The following BRWD3 variants were observed in gnomAD, a reference collection of about 807,000 sequenced individuals.
BRWD3 encodes bromodomain and WD repeat domain containing 3, also known as bromodomain and WD repeat-containing protein 3.
BRWD3 carries 10 observed loss-of-function variants against 149.7 expected under a neutral mutation model. The ratio of observed to expected loss-of-function variants is 0.07; its 90% CI spans 0.04 to 0.11. The LOEUF is 0.11. Among genes scored for constraint, BRWD3 ranks in the 10% least tolerant of loss-of-function variants. BRWD3 has a pLI of 1.00. For missense variants in BRWD3, 940 were observed against 1,373.2 expected, an observed-to-expected ratio of 0.68 and a Z score of 4.99; for synonymous variants, 504 against 456.7, an observed-to-expected ratio of 1.10 and a Z score of -1.32.
At chrX:80,776,381 T>C (rs920302006) in intron 6 of BRWD3, among the ~76,000 whole-genome samples, 3 of 112,005 alleles carry the variant, frequency 2.7e-5, no homozygotes, top group African/African-American at 9.7e-5. Context: ...GTCAGAAAAA[T>C]GTTTCTAGGC....
At chrX:80,704,230 C>A (rs142141091) in intron 23 of BRWD3, among the ~76,000 whole-genome samples, 2 of 84,028 alleles carry the variant, frequency 2.4e-5, no homozygotes, top group African/African-American at 7.6e-5. Flanking sequence ...AACATAAGAC[C>A]CCATCTCTTT....
chrX:80,690,559 G>A (rs920419210), intron 31 of BRWD3, among the ~76,000 whole-genome samples: 7 of 111,484 alleles, frequency 6.3e-5, no homozygotes, highest in Admixed American at 2.9e-4. Context: ...GAATACTGTC[G>A]TCAGTAGGAG....
rs1244381712 is a variant in BRWD3, at chrX:80,745,674, G to A, written c.486C>T (p.Phe162=). The part of the protein sequence containing the change: ...LTGCSRFGHI[F]PSSAYQHIKM... Reference sequence around the variant, plus strand: ...TAATGTGCTGGTAAGCAGATGAAGGGAAAATATGACCAAAGCGACTACAGC... The same window carrying A: ...TAATGTGCTGGTAAGCAGATGAAGGAAAAATATGACCAAAGCGACTACAGC... The change falls in exon 7 of 41, where the codon TTC becomes TTT. Residue 162 remains phenylalanine, a synonymous_variant. Coordinates refer to ENST00000373275, the MANE Select transcript of BRWD3 (RefSeq NM_153252.5). The A allele has an allele frequency of 3.3e-6, 4 of 1,206,349 alleles. No individual in the cohort carries two copies. The highest frequency in any genetic ancestry group is 4.5e-6 in the Non-Finnish European group (4 of 893,175).
chrX:80,768,015 G>A lies in BRWD3; in HGVS notation c.431-22286C>T, dbSNP rs187841061. Among the ~76,000 whole-genome samples, 32 of 111,108 alleles carry A rather than the reference G, an allele frequency of 2.9e-4. No individual in the cohort carries two copies. The East Asian group carries it at 5.6e-3, about 20-fold the overall frequency. ...GAAGATCAAATTAATGAAATAAAGC[G>A]AAAAGTTTAGAGAAAAAAAGAGTAA... On this transcript the variant is annotated intron_variant, in intron 6 of 40. Transcript: ENST00000373275.
intron 21 of BRWD3, among the ~76,000 whole-genome samples, chrX:80,708,440 T>G (rs2072902268): frequency 1.1e-5 from 1 of 94,254 alleles, no homozygotes; most frequent in Non-Finnish European, 2.1e-5. Context: ...AGTTCCTGAA[T>G]AGTGATAATT....
At chrX:80,708,770 C>T (rs765520223) in intron 21 of BRWD3, among the ~76,000 whole-genome samples, 154 of 107,344 alleles carry the variant, frequency 1.4e-3, no homozygotes, top group African/African-American at 5.0e-3. Flanking sequence ...GAGCCAAGTA[C>T]GTGTCACTGC....
chrX:80,700,433 G>GAGATATATATATATATATATATATATAT (rs1555966842), intron 24 of BRWD3, among the ~76,000 whole-genome samples: 1 of 55,633 alleles, frequency 1.8e-5, no homozygotes, highest in Non-Finnish European at 3.3e-5. Context: ...GAAAATATTT[G>GAGATATATATATATATATATATATATAT]ATATATATAA....
intron 40 of BRWD3, 51 bp from the exon 41 acceptor site, chrX:80,677,414 T>C (rs762711880): frequency 3.4e-6 from 4 of 1,164,637 alleles, no homozygotes; most frequent in Non-Finnish European, 1.1e-6. Flanking sequence ...ATTGACAAAA[T>C]GGTTATTTAG....
intron 4 of BRWD3, among the ~76,000 whole-genome samples, chrX:80,801,018 C>T (rs1260942796): frequency 9.1e-6 from 1 of 109,360 alleles, no homozygotes; most frequent in Admixed American, 9.9e-5. Flanking sequence ...GGACAGGGGA[C>T]CCACCCACAT....
chrX:80,774,369 T>A lies in BRWD3; in HGVS notation c.430+17485A>T, dbSNP rs925153079. Among the ~76,000 whole-genome samples the A allele has an allele frequency of 4.5e-5, 5 of 110,269 alleles. No individual in the cohort carries two copies. The East Asian group carries it at 1.4e-3, about 31-fold the overall frequency. Reference sequence around the variant, plus strand: ...GCCTCAACCTCTTGAGCTCCAGAGATCTTACCTCAGCTTCCCAAGTTTCTG... The same window carrying A: ...GCCTCAACCTCTTGAGCTCCAGAGAACTTACCTCAGCTTCCCAAGTTTCTG... On this transcript the variant is annotated intron_variant, in intron 6 of 40. Transcript: ENST00000373275.
In BRWD3 at chrX:80,709,525, C is replaced by T. The variant is rs372559820; in HGVS notation, c.2378G>A (p.Arg793His). Reference protein sequence around the residue: ...GRSLRRTQRKRQHTYQTRSNI... With the variant: ...GRSLRRTQRKHQHTYQTRSNI... ...GGACCGTGTTTGGTAAGTATGCTGACGTTTGCGCTGTGTCCTGCGTAAAGA... is the reference window on the plus strand; with the variant it reads ...GGACCGTGTTTGGTAAGTATGCTGATGTTTGCGCTGTGTCCTGCGTAAAGA... Residue 793 changes from arginine to histidine, a missense_variant, in exon 21 of 41, where the codon CGT becomes CAT. Physicochemically the swap from Arg to His is conservative, Grantham distance 29. Transcript: ENST00000373275. 49 of 1,208,053 alleles carry T rather than the reference C, an allele frequency of 4.1e-5. No individual in the cohort carries two copies. Among genetic ancestry groups the T allele is most frequent in the Non-Finnish European group, 4.9e-5 (44 of 894,014 alleles).
At chrX:80,726,598 C>T (rs1434257054) in intron 14 of BRWD3, among the ~76,000 whole-genome samples, 1 of 109,549 alleles carries the variant, frequency 9.1e-6, no homozygotes, top group Non-Finnish European at 1.9e-5. Context: ...ACATCAGGAG[C>T]GTCTAAAAAA....
intron 6 of BRWD3, among the ~76,000 whole-genome samples, chrX:80,770,465 A>G (rs80056240): frequency 8.9e-6 from 1 of 111,800 alleles, no homozygotes; most frequent in East Asian, 2.8e-4. Flanking sequence ...ATCAATAAAC[A>G]TAATCCAGCA....
rs1199511901 is a variant in BRWD3, at chrX:80,676,373, TTGTG to T, written c.*232_*235del. ...TGTGTGTGTATGTGTGTGTATGTGT[TTGTG>T]TGTGTGTGGGCAGAATTTCTTTTAA... On this transcript the variant is annotated 3_prime_UTR_variant, in exon 41 of 41. Transcript: ENST00000373275. The T allele has an allele frequency of 1.2e-5, 5 of 414,477 alleles. No individual in the cohort carries two copies. The highest frequency in any genetic ancestry group is 2.5e-5 in the African/African-American group (1 of 39,512). 34.2% of individuals were successfully genotyped at this position (414,477 alleles called of 1,213,427 possible).
chrX:80,707,728 C>A (rs1376410539), intron 21 of BRWD3, among the ~76,000 whole-genome samples: 1 of 111,887 alleles, frequency 8.9e-6, no homozygotes, highest in African/African-American at 3.2e-5. Flanking sequence ...TATAAAACAT[C>A]TTTTTGTGAT....
At chrX:80,682,651 G>A in intron 37 of BRWD3, 23 bp from the exon 38 acceptor site, 8 of 1,186,204 alleles carry the variant, frequency 6.7e-6, no homozygotes, top group Non-Finnish European at 6.9e-6. Context: ...AAATTATATA[G>A]TCTTAACTAG....
intron 40 of BRWD3, 69 bp downstream of exon 40, chrX:80,681,270 GCT>G (rs2072443304): frequency 9.2e-7 from 1 of 1,089,049 alleles, no homozygotes; most frequent in African/African-American, 1.8e-5. Flanking sequence ...CAACATGTCA[GCT>G]TTTAAATGAT....
At position 80,795,492 on chromosome X, in the gene BRWD3, T is replaced by C. The variant is rs541849228; in HGVS notation, c.181-1720A>G. On this transcript the variant is annotated intron_variant, in intron 4 of 40. Coordinates refer to ENST00000373275, the MANE Select transcript of BRWD3 (RefSeq NM_153252.5). ...ACCTATGTATATCTATACATGTATG[T>C]GTATATATGTATATGTATGTATACA... is the stretch of plus-strand genomic sequence containing the variant. Among the ~76,000 whole-genome samples the C allele has an allele frequency of 5.5e-5, 6 of 109,672 alleles. No individual in the cohort carries two copies. In the South Asian group the frequency reaches 2.3e-3, roughly 42 times the overall value.
At chrX:80,741,597 C>T (rs1435826887) in intron 8 of BRWD3, among the ~76,000 whole-genome samples, 3 of 111,744 alleles carry the variant, frequency 2.7e-5, no homozygotes, top group Non-Finnish European at 5.6e-5. Context: ...TTAATGATTG[C>T]CATTCTAACT....
Sources: allele counts gnomAD v4.1 joint callset (sites outside exome capture counted in the v4.1 genomes callset), GRCh38; gene constraint gnomAD v4.1.1; transcripts MANE v1.5; gene names NCBI Gene and HGNC (gene_info 2026-07-23, HGNC 2026-07-21).